The following PDZRN3 variants were observed in gnomAD, a reference collection of about 807,000 sequenced individuals.
The protein encoded by PDZRN3 is PDZ domain containing ring finger 3.
A neutral mutation model predicts 85.7 loss-of-function variants in PDZRN3; 38 were observed. That is an observed-to-expected ratio of 0.44 (90% CI 0.34 to 0.58). The LOEUF (loss-of-function observed/expected upper bound fraction) is 0.58, where lower values mean the gene tolerates loss of function less well. Among genes scored for constraint, PDZRN3 ranks in the 20% least tolerant of loss-of-function variants. The probability of loss-of-function intolerance (pLI) is 0.01; values close to 1 mark genes in which losing one functional copy is unlikely to be tolerated. For synonymous variants in PDZRN3, 759 were observed against 638.0 expected (o/e 1.19, Z -2.86); for missense variants, 1,629 against 1,506.4 (o/e 1.08, Z -1.35).
intron 3 of PDZRN3, among the ~76,000 whole-genome samples, chr3:73,568,212 A>G (rs1396919724): frequency 1.3e-5 from 2 of 152,194 alleles, no homozygotes; most frequent in Non-Finnish European, 2.9e-5. Context: ...AAAATGGTGC[A>G]GATCATCACT....
chr3:73,624,706 G>A lies in PDZRN3; in HGVS notation c.120C>T (p.Gly40=). ...CCTGCACCACCCAGGGCAGCACGCA[G>A]CCGGCGCAGAAGACGTGGCCGCACG... ...TTPCGHVFCA[G]CVLPWVVQEG... Residue 40 remains glycine, a synonymous_variant, in exon 1 of 10, where the codon GGC becomes GGT. Transcript: ENST00000263666. The A allele has an allele frequency of 1.3e-6, 2 of 1,528,032 alleles. No homozygotes were observed. Among genetic ancestry groups the A allele is most frequent in the Non-Finnish European group, 1.7e-6 (2 of 1,144,506 alleles). The allele number at this position is 1,528,032 out of a possible 1,614,324, so 94.7% of individuals were successfully genotyped here.
intron 3 of PDZRN3, among the ~76,000 whole-genome samples, chr3:73,600,753 T>G (rs757940886): frequency 6.6e-6 from 1 of 152,184 alleles, no homozygotes; most frequent in East Asian, 1.9e-4. Context: ...ACCAAACCCT[T>G]GGCAACGGAA....
At chr3:73,405,062 G>A (rs1017633197) in intron 3 of PDZRN3, among the ~76,000 whole-genome samples, 2 of 152,168 alleles carry the variant, frequency 1.3e-5, no homozygotes, top group Non-Finnish European at 2.9e-5. Flanking sequence ...ACTACTGTCT[G>A]CTGCATGACT....
chr3:73,541,901 C>T (rs1285754122), intron 3 of PDZRN3, among the ~76,000 whole-genome samples: 1 of 152,098 alleles, frequency 6.6e-6, no homozygotes, highest in Admixed American at 6.6e-5. Flanking sequence ...TGCTAGAAAC[C>T]TATGGGTGCT....
At chr3:73,456,068 T>C (rs1334531890) in intron 3 of PDZRN3, among the ~76,000 whole-genome samples, 1 of 152,214 alleles carries the variant, frequency 6.6e-6, no homozygotes, top group African/African-American at 2.4e-5. Context: ...AACTAAATTG[T>C]TAGTATCAGA....
chr3:73,526,799 T>C (rs1704535527), intron 3 of PDZRN3, among the ~76,000 whole-genome samples: 1 of 152,150 alleles, frequency 6.6e-6, no homozygotes, highest in Non-Finnish European at 1.5e-5. Context: ...GCAAGTTTCC[T>C]GGCTCAGCCT....
rs1701737829 is a variant in PDZRN3, at chr3:73,401,006, A to G, written c.1170T>C (p.His390=). Residue 390 remains histidine, a synonymous_variant, in exon 5 of 10, where the codon CAT becomes CAC. Transcript: ENST00000263666. ...VLDPYLLPEE[H]PSAHEYYDPN... ...GATCGTAGTATTCATGGGCTGAGGGATGCCTGAAAAGAGATGCAACATCTT... is the reference window on the plus strand; with the variant it reads ...GATCGTAGTATTCATGGGCTGAGGGGTGCCTGAAAAGAGATGCAACATCTT... 2 of 1,609,696 alleles carry G rather than the reference A, an allele frequency of 1.2e-6. No individual in the cohort carries two copies. The highest frequency in any genetic ancestry group is 1.1e-5 in the South Asian group (1 of 90,998).
chr3:73,435,569 T>C (rs2106809833), intron 3 of PDZRN3, among the ~76,000 whole-genome samples: 1 of 152,316 alleles, frequency 6.6e-6, no homozygotes, highest in South Asian at 2.1e-4. Flanking sequence ...ACAGAGGTCA[T>C]ATTTCTTCAC....
In PDZRN3 at chr3:73,586,438, C is replaced by T. The variant is rs140255353; in HGVS notation, c.918+15916G>A. 3.7e-3 allele frequency among the ~76,000 whole-genome samples: 556 copies of T among 152,278 alleles called. 4 individuals are homozygous for T. The highest frequency in any genetic ancestry group is 0.013 in the African/African-American group (520 of 41,552). Reference sequence around the variant, plus strand: ...GATTGTGTGACTTGTACATCTATTTCGGAGTCAGGCAACACACATTTACTG... The same window carrying T: ...GATTGTGTGACTTGTACATCTATTTTGGAGTCAGGCAACACACATTTACTG... On this transcript the variant is annotated intron_variant, in intron 3 of 9. Transcript: ENST00000263666.
rs1307042378 is a variant in PDZRN3 at position 73,570,551 on chromosome 3, T to C, written c.918+31803A>G. Among the ~76,000 whole-genome samples the C allele has an allele frequency of 2.6e-5, 4 of 152,336 alleles. No homozygotes were observed. The East Asian group carries it at 5.8e-4, about 22-fold the overall frequency. On this transcript the variant is annotated intron_variant, in intron 3 of 9. Coordinates refer to ENST00000263666, the MANE Select transcript of PDZRN3 (RefSeq NM_015009.3). ...ACATGCTCACTTACTGATGGGATTA[T>C]GCATTCATAGAGTCCTCTAAAAGAG...
chr3:73,576,011 A>T (rs939034896), intron 3 of PDZRN3, among the ~76,000 whole-genome samples: 4 of 152,170 alleles, frequency 2.6e-5, no homozygotes, highest in Admixed American at 6.5e-5. Flanking sequence ...AGAAAAAGAG[A>T]GAAAAATCAA....
chr3:73,532,567 A>G (rs1704684084), intron 3 of PDZRN3, among the ~76,000 whole-genome samples: 2 of 152,226 alleles, frequency 1.3e-5, no homozygotes, highest in South Asian at 4.1e-4. Context: ...TGGCAAACAC[A>G]TGAAGAAAGG....
chr3:73,404,584 G>A (rs1701817533), intron 3 of PDZRN3, 189 bp from the exon 4 acceptor site: 1 of 588,518 alleles, frequency 1.7e-6, no homozygotes. Context: ...GAGTTTGGAG[G>A]TATTCAGATC....
At chr3:73,600,337 A>ACACACACTCTCTCTCTCTCTCT (rs34405662) in intron 3 of PDZRN3, among the ~76,000 whole-genome samples, 62 of 100,068 alleles carry the variant, frequency 6.2e-4, no homozygotes, top group African/African-American at 2.3e-3. Flanking sequence ...ACACACACAC[A>ACACACACTCTCTCTCTCTCTCT]CTCTCTCTCT....
At chr3:73,451,203 G>A (rs549402649) in intron 3 of PDZRN3, among the ~76,000 whole-genome samples, 17 of 152,232 alleles carry the variant, frequency 1.1e-4, no homozygotes, top group African/African-American at 3.9e-4. Context: ...ACCGAAACTG[G>A]CTCACATCCA....
chr3:73,494,610 T>C (rs1266279288), intron 3 of PDZRN3, among the ~76,000 whole-genome samples: 7 of 152,354 alleles, frequency 4.6e-5, no homozygotes, highest in African/African-American at 9.6e-5. Context: ...CGCAATTGTA[T>C]ATAAATTGTT....
chr3:73,595,699 A>G (rs918355098), intron 3 of PDZRN3, among the ~76,000 whole-genome samples: 7 of 152,162 alleles, frequency 4.6e-5, no homozygotes, highest in Non-Finnish European at 1.0e-4. Flanking sequence ...AATTCAAAGG[A>G]AAAAAGCACG....
intron 3 of PDZRN3, among the ~76,000 whole-genome samples, chr3:73,461,126 T>C (rs1703094659): frequency 6.6e-6 from 1 of 152,170 alleles, no homozygotes; most frequent in Admixed American, 6.5e-5. Context: ...TTATTCATTG[T>C]AGTGGAAGTT....
intron 3 of PDZRN3, among the ~76,000 whole-genome samples, chr3:73,427,861 G>C (rs963815668): frequency 7.2e-5 from 11 of 152,186 alleles, no homozygotes; most frequent in African/African-American, 2.4e-4. Context: ...CAGGAGGTTG[G>C]GGTTGAAAAC....
Sources: allele counts gnomAD v4.1 joint callset (sites outside exome capture counted in the v4.1 genomes callset), GRCh38; gene constraint gnomAD v4.1.1; transcripts MANE v1.5; gene names NCBI Gene and HGNC (gene_info 2026-07-23, HGNC 2026-07-21).